Variants in KLHL5 observed in about 807,000 individuals in gnomAD.
The protein encoded by KLHL5 is kelch-like protein 5.
In KLHL5, 48 loss-of-function variants were observed where a neutral mutation model predicts 77.7. The observed-to-expected ratio is 0.62, with a 90% CI of 0.49 to 0.79. The LOEUF (loss-of-function observed/expected upper bound fraction) is 0.79. Among genes scored for constraint, KLHL5 ranks in the 30% least tolerant of loss-of-function variants. The pLI is 0.00. For synonymous variants in KLHL5, 260 were observed against 297.0 expected (o/e 0.88, Z 1.28); for missense variants, 723 against 859.7 (o/e 0.84, Z 1.99).
At position 39,123,223 on chromosome 4, in the gene KLHL5, C is replaced by G. The variant is rs1261219521; in HGVS notation, c.*2157C>G. On this transcript the variant is annotated 3_prime_UTR_variant, in exon 11 of 11. Transcript: ENST00000504108. Reference sequence around the variant, plus strand: ...CAAGTAAAGAGATTGAACCAGTAATCAAAAATCTCCCAACAAAGAAAGTCC... The same window carrying G: ...CAAGTAAAGAGATTGAACCAGTAATGAAAAATCTCCCAACAAAGAAAGTCC... 6.6e-6 allele frequency among the ~76,000 whole-genome samples: 1 copy of G among 152,100 alleles called. No individual in the cohort carries two copies. Among genetic ancestry groups the G allele is most frequent in the Non-Finnish European group, 1.5e-5 (1 of 68,016 alleles).
At chr4:39,129,037 T>C (rs1723690303), downstream of KLHL5, among the ~76,000 whole-genome samples, 1 of 151,900 alleles carries the variant, frequency 6.6e-6, no homozygotes, top group Non-Finnish European at 1.5e-5. This position sits in a 1 kb window ranked among gnomAD's most constrained non-coding sequence, Gnocchi z 4.2. Context: ...CGGGCCCCCA[T>C]ACACTCAGTC....
Position 39,057,122 on chromosome 4 carries a change from A to T in KLHL5, c.-94-5437A>T, listed in dbSNP as rs559484468. ...ACTTACCTCTTCTTAATTCAGTAAG[A>T]GTTTCATTCAAGACCCTCTGTTGCT... On this transcript the variant is annotated intron_variant, in intron 1 of 11. Transcript: ENST00000261425. Among the ~76,000 whole-genome samples, 6 of 152,354 alleles carry T rather than the reference A, an allele frequency of 3.9e-5. No homozygotes were observed. The South Asian group carries it at 1.2e-3, about 32-fold the overall frequency.
Position 39,096,752 on chromosome 4 carries a change from A to G in KLHL5, c.1174A>G (p.Ile392Val). The change falls in exon 6 of 11, where the codon ATT becomes GTT. Residue 392 changes from isoleucine to valine, a missense_variant. By Grantham distance (29) the Ile-to-Val change is conservative. This residue lies in a region of KLHL5 where 288 missense variants were observed against 400.3 expected (regional missense o/e 0.72). Transcript: ENST00000504108. ...GGATGATATAGAATGTCAGAAACTC[A>G]TTATGGAAGCAATGAAGTACCATTT... ...FRDDIECQKLIMEAMKYHLLP... is the reference protein window; with the variant it reads ...FRDDIECQKLVMEAMKYHLLP... The G allele has an allele frequency of 6.2e-7, 1 of 1,613,346 alleles. No homozygotes were observed. The highest frequency in any genetic ancestry group is 8.5e-7 in the Non-Finnish European group (1 of 1,179,306).
chr4:39,073,821 T>A (rs1718731703), intron 1 of KLHL5, among the ~76,000 whole-genome samples: 1 of 110,874 alleles, frequency 9.0e-6, no homozygotes, highest in African/African-American at 3.0e-5. Context: ...ATTTTTTTTT[T>A]ATTTTTATTT....
In KLHL5 at chr4:39,099,737, T is replaced by G. The variant is rs561162569; in HGVS notation, c.1300+2859T>G. Among the ~76,000 whole-genome samples, 57 of 152,314 alleles carry G rather than the reference T, an allele frequency of 3.7e-4. 2 individuals are homozygous for G. In the South Asian group the frequency reaches 0.011, roughly 30 times the overall value. On this transcript the variant is annotated intron_variant, in intron 6 of 10. Transcript: ENST00000504108. ...AACCCCCGACTACCACTTTCTAACCTGAATAACATATAACATAGCGCTATT... is the reference window on the plus strand; with the variant it reads ...AACCCCCGACTACCACTTTCTAACCGGAATAACATATAACATAGCGCTATT...
At chr4:39,051,047 G>A (rs1242291907) in intron 1 of KLHL5, among the ~76,000 whole-genome samples, 3 of 152,172 alleles carry the variant, frequency 2.0e-5, no homozygotes, top group Non-Finnish European at 4.4e-5. Context: ...AGGAAGAACG[G>A]CACATGTAAT....
In KLHL5 at chr4:39,114,169, A is replaced by T. The variant is rs548208621; in HGVS notation, c.1901+937A>T. On this transcript the variant is annotated intron_variant, in intron 9 of 10. Coordinates refer to ENST00000504108, the MANE Select transcript of KLHL5 (RefSeq NM_015990.5). Reference sequence around the variant, plus strand: ...ATCCAGGACTGATTAATTTATAAAGAAAAGAGGTTTATTTAGCCCACAGTT... The same window carrying T: ...ATCCAGGACTGATTAATTTATAAAGTAAAGAGGTTTATTTAGCCCACAGTT... 3.0e-4 allele frequency among the ~76,000 whole-genome samples: 46 copies of T among 152,310 alleles called. 1 individual carries two copies. Among genetic ancestry groups the T allele is most frequent in the Admixed American group, 2.4e-3 (37 of 15,292 alleles).
chr4:39,082,276 C>T, intron 4 of KLHL5, 117 bp downstream of exon 4: 1 of 773,354 alleles, frequency 1.3e-6, no homozygotes, highest in Non-Finnish European at 2.1e-6. Flanking sequence ...TGCGATTGAG[C>T]TTCATTGCCT....
At chr4:39,064,326 A>G (rs113688923) in intron 1 of KLHL5, among the ~76,000 whole-genome samples, 3 of 152,108 alleles carry the variant, frequency 2.0e-5, no homozygotes, top group African/African-American at 7.2e-5. Context: ...AATAGAAGCC[A>G]CTAATTTAAT....
chr4:39,050,472 G>A (rs1375887568), intron 1 of KLHL5, among the ~76,000 whole-genome samples: 7 of 152,192 alleles, frequency 4.6e-5, no homozygotes, highest in Non-Finnish European at 8.8e-5. Context: ...TCTTGCTAGT[G>A]TCTCTCTCTG....
intron 1 of KLHL5, among the ~76,000 whole-genome samples, chr4:39,069,528 T>A (rs1718260369): frequency 7.0e-6 from 1 of 142,438 alleles, no homozygotes; most frequent in South Asian, 2.2e-4. Context: ...TTTTTATACT[T>A]TTTTACCATA....
chr4:39,060,441 T>TACCACCCCCACCACC (rs1717317654), upstream of KLHL5, among the ~76,000 whole-genome samples: 1 of 148,850 alleles, frequency 6.7e-6, no homozygotes. Flanking sequence ...ACTAAAAATC[T>TACCACCCCCACCACC]ACCACCACCA....
chr4:39,078,394 A>C (rs377063098), intron 2 of KLHL5, among the ~76,000 whole-genome samples: 5 of 150,792 alleles, frequency 3.3e-5, no homozygotes, highest in Admixed American at 2.6e-4. Flanking sequence ...TCAAAAAAAA[A>C]AAAGAATGAT....
At chr4:39,050,632 G>T (rs981441230) in intron 1 of KLHL5, among the ~76,000 whole-genome samples, 1 of 152,186 alleles carries the variant, frequency 6.6e-6, no homozygotes, top group Non-Finnish European at 1.5e-5. Context: ...CATTGTCTTT[G>T]TAAGCTCTTA....
At chr4:39,087,224 A>G (rs535119338) in intron 5 of KLHL5, among the ~76,000 whole-genome samples, 29 of 152,218 alleles carry the variant, frequency 1.9e-4, no homozygotes, top group African/African-American at 7.0e-4. Context: ...ATTAAGTAAC[A>G]TTCTTGATTT....
intron 8 of KLHL5, among the ~76,000 whole-genome samples, chr4:39,112,041 A>T (rs1722484629): frequency 6.6e-6 from 1 of 152,174 alleles, no homozygotes; most frequent in Non-Finnish European, 1.5e-5. Flanking sequence ...TTCTATGAGC[A>T]ACAACGTAAA....
At chr4:39,097,452 A>G (rs1721164251) in intron 6 of KLHL5, among the ~76,000 whole-genome samples, 1 of 152,230 alleles carries the variant, frequency 6.6e-6, no homozygotes, top group African/African-American at 2.4e-5. Context: ...CCTGGCACAC[A>G]GCACTTAAGC....
Position 39,086,250 on chromosome 4 carries a change from T to C in KLHL5, c.901-265T>C, listed in dbSNP as rs1197061812. On this transcript the variant is annotated intron_variant, in intron 4 of 10. Transcript: ENST00000504108. ...AAAGTATTTCCTAACTTGAGTGAAG[T>C]AACACTTAAATGTCCTAGGTCCATT... Among the ~76,000 whole-genome samples the C allele has an allele frequency of 2.0e-5, 3 of 152,244 alleles. No homozygotes were observed. In the East Asian group the frequency reaches 5.8e-4, roughly 29 times the overall value.
At chr4:39,103,547 C>G (rs375264446) in intron 7 of KLHL5, 36 bp downstream of exon 7, 20 of 1,513,194 alleles carry the variant, frequency 1.3e-5, no homozygotes, top group Non-Finnish European at 1.7e-5. Context: ...CAAAATATCA[C>G]ATAGCTCCCA....
Sources: gnomAD v4.1 joint callset for allele counts (sites outside exome capture counted in the v4.1 genomes callset) on GRCh38, gnomAD v4.1.1 for gene constraint, gnomAD v4.1.1 regional missense constraint, Gnocchi (gnomAD v3.1) non-coding constraint, MANE v1.5 for transcripts, NCBI Gene and HGNC (gene_info 2026-07-23, HGNC 2026-07-21) for gene names.